The following PLET1 variants were observed in gnomAD, a reference collection of about 807,000 sequenced individuals.
PLET1 encodes placenta-expressed transcript 1 protein.
A neutral mutation model predicts 18.5 loss-of-function variants in PLET1; 20 were observed. The observed-to-expected ratio is 1.08, with a 90% confidence interval of 0.76 to 1.57. The LOEUF (loss-of-function observed/expected upper bound fraction) is 1.57. Ranked by LOEUF, PLET1 falls within the 40% of genes most tolerant of loss-of-function variation. The probability of loss-of-function intolerance (pLI) is 0.00; values close to 1 mark genes in which losing one functional copy is unlikely to be tolerated. For synonymous variants in PLET1, 93 were observed against 93.8 expected (o/e 0.99, Z 0.05); for missense variants, 256 against 246.4 (o/e 1.04, Z -0.26).
intron 3 of PLET1, among the ~76,000 whole-genome samples, chr11:112,250,636 T>C (rs1860146184): frequency 6.6e-6 from 1 of 152,198 alleles, no homozygotes; most frequent in African/African-American, 2.4e-5. Flanking sequence ...CAAGAAAAAC[T>C]TAAAGACAGT....
intron 2 of PLET1, among the ~76,000 whole-genome samples, chr11:112,254,867 T>C (rs1165148646): frequency 1.5e-5 from 2 of 134,096 alleles, no homozygotes; most frequent in Non-Finnish European, 3.2e-5. Context: ...GGTATGTGTG[T>C]GTGGTGCATG....
rs1270283589 is a variant in PLET1 at position 112,260,411 on chromosome 11, T to C, written c.179A>G (p.Tyr60Cys). The C allele has an allele frequency of 2.0e-5, 31 of 1,551,248 alleles. No homozygotes were observed. In the East Asian group the frequency reaches 7.6e-4, roughly 38 times the overall value. ...AGAGCATGGCTTCTACTCACCAGAA[T>C]AGACTGCATTGCTTTCGTAGATATG... is the stretch of plus-strand genomic sequence containing the variant. ...SSHIYESNAV[Y>C]SVFVPVNDSV... is the part of the protein sequence containing the mutation. The change falls in exon 1 of 4, where the codon TAT becomes TGT. Residue 60 changes from tyrosine (Y) to cysteine (C), a missense_variant. Transcript: ENST00000338832.
Position 112,252,419 on chromosome 11 carries a change from G to A in PLET1, c.387-10C>T. 6.5e-7 allele frequency: 1 copy of A among 1,549,606 alleles called. No individual in the cohort carries two copies. Among genetic ancestry groups the A allele is most frequent in the Non-Finnish European group, 8.7e-7 (1 of 1,145,194 alleles). ...CTGGACAGTGAAAGCTCTGTGGAGGGCAAATCAATGAGAGATAATGCTGAG... is the reference window on the plus strand; with the variant it reads ...CTGGACAGTGAAAGCTCTGTGGAGGACAAATCAATGAGAGATAATGCTGAG... On this transcript the variant is annotated splice_polypyrimidine_tract_variant and intron_variant, in intron 2 of 3. Transcript: ENST00000338832.
chr11:112,248,412 T>A lies in PLET1; in HGVS notation c.*387A>T. 2.5e-6 allele frequency: 1 copy of A among 401,312 alleles called. No individual in the cohort carries two copies. Among genetic ancestry groups the A allele is most frequent in the East Asian group, 3.6e-5 (1 of 28,040 alleles). 24.9% of individuals were successfully genotyped at this position (401,312 alleles called of 1,614,324 possible). On this transcript the variant is annotated 3_prime_UTR_variant, in exon 4 of 4. Coordinates refer to ENST00000338832, the MANE Select transcript of PLET1 (RefSeq NM_001145024.1). ...GTTTGGTTAGAAATCTGAGATCATC[T>A]TGAAAGTAAGGAAGGATTCTTCCCA... is the stretch of plus-strand genomic sequence containing the variant.
chr11:112,250,580 C>G (rs887973563), intron 3 of PLET1, among the ~76,000 whole-genome samples: 16 of 152,222 alleles, frequency 1.1e-4, no homozygotes, highest in Non-Finnish European at 1.9e-4. Flanking sequence ...CCCACCCACA[C>G]ACAGGCACAG....
chr11:112,249,082 A>G lies in PLET1; in HGVS notation c.449-108T>C, dbSNP rs978927261. ...GGAGGGTAATCTGATGGAATGCTAG[A>G]GCCAGATTCATGAGCAAAATTCAAT... On this transcript the variant is annotated intron_variant, in intron 3 of 3. Coordinates refer to ENST00000338832, the MANE Select transcript of PLET1 (RefSeq NM_001145024.1). The G allele has an allele frequency of 2.8e-5, 29 of 1,023,050 alleles. No homozygotes were observed. In the Admixed American group the frequency reaches 7.3e-4, roughly 26 times the overall value. 63.4% of individuals were successfully genotyped at this position (1,023,050 alleles called of 1,614,324 possible).
chr11:112,254,154 G>C (rs1037947716), intron 2 of PLET1, among the ~76,000 whole-genome samples: 13 of 151,668 alleles, frequency 8.6e-5, no homozygotes, highest in African/African-American at 2.9e-4. Context: ...AAACAAAGAG[G>C]GTGCTCAGTT....
chr11:112,257,253 C>T (rs1309865677), intron 1 of PLET1, among the ~76,000 whole-genome samples: 2 of 152,206 alleles, frequency 1.3e-5, no homozygotes, highest in Non-Finnish European at 2.9e-5. Flanking sequence ...TTGCTCACCT[C>T]TGGCTGCCTG....
At chr11:112,252,861 T>A (rs1860170144) in intron 2 of PLET1, among the ~76,000 whole-genome samples, 1 of 152,232 alleles carries the variant, frequency 6.6e-6, no homozygotes, top group Non-Finnish European at 1.5e-5. Flanking sequence ...AGGCAGGTTC[T>A]GTTGTCAACA....
chr11:112,253,361 C>T (rs1388332721), intron 2 of PLET1, among the ~76,000 whole-genome samples: 5 of 152,140 alleles, frequency 3.3e-5, no homozygotes, highest in Admixed American at 2.6e-4. Flanking sequence ...TGTGGAGTCC[C>T]CTGCTTTCTG....
intron 3 of PLET1, among the ~76,000 whole-genome samples, 160 bp from the exon 4 acceptor site, chr11:112,249,134 T>C (rs535060515): frequency 5.5e-4 from 83 of 152,220 alleles, no homozygotes; most frequent in African/African-American, 1.8e-3. Flanking sequence ...CCAAGTGTTT[T>C]CAGAGGAGGG....
At chr11:112,252,320 C>A in intron 3 of PLET1, 28 bp downstream of exon 3, 1 of 1,538,594 alleles carries the variant, frequency 6.5e-7, no homozygotes, top group South Asian at 1.2e-5. Context: ...CATTGCAAGA[C>A]TTGCAAATGG....
chr11:112,258,229 G>C (rs529486837), intron 1 of PLET1, among the ~76,000 whole-genome samples: 1 of 151,110 alleles, frequency 6.6e-6, no homozygotes, highest in Non-Finnish European at 1.5e-5. Flanking sequence ...CTTTCAGAAG[G>C]CTCCCATGTT....
intron 3 of PLET1, among the ~76,000 whole-genome samples, chr11:112,251,832 G>A (rs1179308256): frequency 6.6e-6 from 1 of 152,034 alleles, no homozygotes; most frequent in East Asian, 1.9e-4. Flanking sequence ...GTGAAAAGCT[G>A]TGGAAATTCC....
Position 112,252,378 on chromosome 11 carries a change from T to C in PLET1, c.418A>G (p.Ile140Val), listed in dbSNP as rs1481091677. The C allele has an allele frequency of 3.2e-6, 5 of 1,551,324 alleles. No homozygotes were observed. Among genetic ancestry groups the C allele is most frequent in the African/African-American group, 2.7e-5 (2 of 73,016 alleles). Residue 140 changes from isoleucine to valine, a missense_variant, in exon 3 of 4, where the codon ATA becomes GTA. Coordinates refer to ENST00000338832, the MANE Select transcript of PLET1 (RefSeq NM_001145024.1). The stretch of plus-strand genomic sequence containing the variant: ...TCTCTTAGCTTCAGAGTAGAAAGTA[T>C]AGGCAGCGCTCTGATCTGGACAGTG... Reference protein sequence around the residue: ...AFTVQIRALPILSTLKLREKL... With the variant: ...AFTVQIRALPVLSTLKLREKL...
At chr11:112,254,760 TGTGCTGCGTGTGGTACGCATC>T (rs1860199076) in intron 2 of PLET1, among the ~76,000 whole-genome samples, 1 of 27,058 alleles carries the variant, frequency 3.7e-5, no homozygotes, top group African/African-American at 1.8e-4. Context: ...GTGTGGTGTG[TGTGCTGCGTGTGGTACGCATC>T]GTGTGTGTGT....
At chr11:112,253,876 A>G (rs1476379428) in intron 2 of PLET1, among the ~76,000 whole-genome samples, 2 of 152,282 alleles carry the variant, frequency 1.3e-5, no homozygotes. Context: ...CCCTTTCAGT[A>G]CAGAATGGAA....
Position 112,248,892 on chromosome 11 carries a change from T to G in PLET1, c.531A>C (p.Arg177Ser), listed in dbSNP as rs1194149001. 1 of 1,551,464 alleles carries G rather than the reference T, an allele frequency of 6.4e-7. No individual in the cohort carries two copies. The change falls in exon 4 of 4, where the codon AGA becomes AGC. Residue 177 changes from arginine to serine, a missense_variant. Arg to Ser is a moderately radical substitution (Grantham distance 110, BLOSUM62 -1). Coordinates refer to ENST00000338832, the MANE Select transcript of PLET1 (RefSeq NM_001145024.1). ...AGACTTGGTTGGCCAAGCCTTCGAG[T>G]CTGATACTCTTGGGTGTAATCATGA... ...PFFMITPKSI[R>S]LEGLANQVFS... is the part of the protein sequence containing the mutation.
rs757009733 is a variant in PLET1, at chr11:112,255,607, A to T, written c.185-18T>A. Reference sequence around the variant, plus strand: ...AACAAATACTGGGAGGAAATGATGAAGAAGCAATCAGCCATCTGTTCCCTC... The same window carrying T: ...AACAAATACTGGGAGGAAATGATGATGAAGCAATCAGCCATCTGTTCCCTC... On this transcript the variant is annotated intron_variant, in intron 1 of 3. Transcript: ENST00000338832. 30 of 1,546,608 alleles carry T rather than the reference A, an allele frequency of 1.9e-5. No homozygotes were observed. The African/African-American group carries it at 3.8e-4, about 20-fold the overall frequency.
Sources: gnomAD v4.1 joint callset for allele counts (sites outside exome capture counted in the v4.1 genomes callset) on GRCh38, gnomAD v4.1.1 for gene constraint, MANE v1.5 for transcripts, NCBI Gene and HGNC (gene_info 2026-07-23, HGNC 2026-07-21) for gene names.